Variants in DTNA observed in about 807,000 individuals in gnomAD.
DTNA encodes dystrobrevin alpha.
A neutral mutation model predicts 100.7 loss-of-function variants in DTNA; 43 were observed. The ratio of observed to expected loss-of-function variants is 0.43; its 90% CI spans 0.33 to 0.55. The LOEUF is 0.55. Ranked by LOEUF, DTNA falls within the 20% of genes least tolerant of loss-of-function variation. The pLI is 0.04. For synonymous variants in DTNA, 349 were observed against 347.9 expected (o/e 1.00, Z -0.04); for missense variants, 798 against 953.9 (o/e 0.84, Z 2.15).
intron 1 of DTNA, among the ~76,000 whole-genome samples, chr18:34,593,063 G>A (rs1410938782): frequency 6.6e-6 from 1 of 152,166 alleles, no homozygotes; most frequent in African/African-American, 2.4e-5. Flanking sequence ...TAGGGGGAGG[G>A]GATGGCAGGG....
At chr18:34,796,652 G>A (rs558001390) in intron 4 of DTNA, among the ~76,000 whole-genome samples, 3 of 152,262 alleles carry the variant, frequency 2.0e-5, no homozygotes, top group African/African-American at 4.8e-5. Flanking sequence ...GATGCCTTAA[G>A]AACCTAGACT....
At chr18:34,864,271 G>A (rs1335046627) in intron 17 of DTNA, among the ~76,000 whole-genome samples, 1 of 116,330 alleles carries the variant, frequency 8.6e-6, no homozygotes, top group Non-Finnish European at 1.8e-5. Context: ...TTTTTTTTGA[G>A]ACGGAGTCTT....
In DTNA at chr18:34,520,478, C is replaced by G. The variant is rs566115840; in HGVS notation, c.-2+26964C>G. Among the ~76,000 whole-genome samples, 127 of 152,128 alleles carry G rather than the reference C, an allele frequency of 8.3e-4. 2 individuals are homozygous for G. Among genetic ancestry groups the G allele is most frequent in the African/African-American group, 2.7e-3 (113 of 41,494 alleles). On this transcript the variant is annotated intron_variant, in intron 1 of 19. Coordinates refer to the DTNA transcript ENST00000283365. ...ACCAGCCTGGCTAAGATGGTGAAAC[C>G]CTGTCTCTACCAAAAATACAAAAAA...
chr18:34,596,959 C>T (rs565140135), intron 1 of DTNA, among the ~76,000 whole-genome samples: 59 of 152,192 alleles, frequency 3.9e-4, no homozygotes, highest in Admixed American at 1.3e-4. Context: ...CCCGTCAACC[C>T]GTCATCTACA....
intron 1 of DTNA, chr18:34,662,720 A>G (rs1362880866): frequency 6.6e-6 from 1 of 152,228 alleles, no homozygotes; most frequent in African/African-American, 2.4e-5. Context: ...ATTAGTAATC[A>G]TAGCTAACAT....
intron 13 of DTNA, among the ~76,000 whole-genome samples, chr18:34,840,595 A>G (rs985856701): frequency 2.0e-5 from 3 of 152,088 alleles, no homozygotes; most frequent in Non-Finnish European, 4.4e-5. Flanking sequence ...ACTACCAGCC[A>G]TTTTCCCTAC....
At chr18:34,614,017 G>T (rs944570443) in intron 1 of DTNA, among the ~76,000 whole-genome samples, 1 of 152,098 alleles carries the variant, frequency 6.6e-6, no homozygotes. Context: ...TCTTGTTAGG[G>T]TCTAATGAAA....
intron 1 of DTNA, among the ~76,000 whole-genome samples, chr18:34,744,516 C>T (rs551087073): frequency 1.4e-4 from 21 of 152,054 alleles, no homozygotes; most frequent in African/African-American, 5.1e-4. Flanking sequence ...TTTCCTATAA[C>T]ACACATAGAA....
At chr18:34,557,200 C>G (rs1278771490) in intron 1 of DTNA, among the ~76,000 whole-genome samples, 1 of 147,328 alleles carries the variant, frequency 6.8e-6, no homozygotes, top group African/African-American at 2.6e-5. Context: ...AGTTCTCGAG[C>G]CTTGGTTTTC....
chr18:34,870,398 C>A (rs953274889), intron 17 of DTNA, among the ~76,000 whole-genome samples: 2 of 152,108 alleles, frequency 1.3e-5, no homozygotes, highest in African/African-American at 4.8e-5. Flanking sequence ...CCTAGCTCAT[C>A]CTCTCTGGTG....
intron 9 of DTNA, chr18:34,821,251 T>C (rs932810409): frequency 2.2e-6 from 1 of 457,912 alleles, no homozygotes; most frequent in South Asian, 1.7e-5. Context: ...TTACAGTATA[T>C]TATTCCTTAA....
chr18:34,711,557 T>C (rs2082909254), intron 1 of DTNA, among the ~76,000 whole-genome samples: 1 of 152,206 alleles, frequency 6.6e-6, no homozygotes, highest in Non-Finnish European at 1.5e-5. Flanking sequence ...GAAAATCTTT[T>C]TGAAAAATAC....
intron 1 of DTNA, among the ~76,000 whole-genome samples, chr18:34,627,165 C>T (rs918703008): frequency 3.3e-5 from 5 of 151,556 alleles, no homozygotes; most frequent in African/African-American, 4.9e-5. Context: ...AAAAAAAAAT[C>T]GATTCATTCA....
Position 34,885,346 on chromosome 18 carries a change from A to G in DTNA, c.*31+570A>G, listed in dbSNP as rs2096912052. Among the ~76,000 whole-genome samples the G allele has an allele frequency of 2.0e-5, 3 of 152,356 alleles. 1 individual carries two copies. Among genetic ancestry groups the G allele is most frequent in the African/African-American group, 7.2e-5 (3 of 41,580 alleles). On this transcript the variant is annotated intron_variant, in intron 22 of 22. Transcript: ENST00000444659. ...CATTGTGGAATTCAGCAGTATATAA[A>G]TTAATTTAAAATATTATTTTCATGG...
intron 1 of DTNA, among the ~76,000 whole-genome samples, chr18:34,663,815 T>C (rs926045621): frequency 6.6e-6 from 1 of 152,222 alleles, no homozygotes; most frequent in African/African-American, 2.4e-5. Flanking sequence ...AATACCTTTC[T>C]TGATGAGACT....
At chr18:34,553,731 T>C (rs1300564587) in intron 1 of DTNA, among the ~76,000 whole-genome samples, 1 of 151,992 alleles carries the variant, frequency 6.6e-6, no homozygotes, top group Non-Finnish European at 1.5e-5. Context: ...TCTGTTCCAT[T>C]GATCTATATC....
intron 1 of DTNA, among the ~76,000 whole-genome samples, chr18:34,597,152 T>C (rs1232283713): frequency 6.6e-6 from 1 of 152,154 alleles, no homozygotes; most frequent in African/African-American, 2.4e-5. Flanking sequence ...GGTTTCCAGC[T>C]TCATCCATGT....
chr18:34,556,243 T>C (rs1400646023), intron 1 of DTNA, among the ~76,000 whole-genome samples: 3 of 151,986 alleles, frequency 2.0e-5, no homozygotes, highest in Non-Finnish European at 4.4e-5. Context: ...CTCCATCCTT[T>C]TATTTTGAGC....
At chr18:34,598,138 C>T (rs1479462397) in intron 1 of DTNA, among the ~76,000 whole-genome samples, 1 of 151,704 alleles carries the variant, frequency 6.6e-6, no homozygotes, top group Non-Finnish European at 1.5e-5. Context: ...TCCTGTATGT[C>T]AAGTGGAGTC....
Sources: gnomAD v4.1 joint callset for allele counts (sites outside exome capture counted in the v4.1 genomes callset) on GRCh38, gnomAD v4.1.1 for gene constraint, MANE v1.5 for transcripts, NCBI Gene and HGNC (gene_info 2026-07-23, HGNC 2026-07-21) for gene names.